The following DMD variants were observed in gnomAD, a reference collection of about 807,000 sequenced individuals.
The protein encoded by DMD is mutant dystrophin.
In DMD, 63 loss-of-function variants were observed where a neutral mutation model predicts 330.1. That is an observed-to-expected ratio of 0.19 (90% CI 0.16 to 0.24). The LOEUF (loss-of-function observed/expected upper bound fraction) is 0.24, where lower values mean the gene tolerates loss of function less well. DMD is among the 10% of genes least tolerant of loss of function. The pLI is 1.00. For missense variants in DMD, 3,344 were observed against 2,684.1 expected (o/e 1.25, Z -5.43); for synonymous variants, 1,223 against 959.8 (o/e 1.27, Z -5.07).
chrX:32,545,055 C>A, intron 17 of DMD, 104 bp downstream of exon 17: 3 of 810,051 alleles, frequency 3.7e-6, no homozygotes, highest in South Asian at 2.2e-5. Context: ...TACAGGTACC[C>A]GAGGATTCTG....
chrX:32,762,836 A>G lies in DMD; in HGVS notation c.649+46657T>C, dbSNP rs1309674893. Among the ~76,000 whole-genome samples the G allele has an allele frequency of 5.4e-5, 6 of 111,568 alleles. No homozygotes were observed. In the Admixed American group the frequency reaches 5.7e-4, roughly 11 times the overall value. ...TCAGAAGGTGTTAAATAGGGAACAC[A>G]TGACCTAATTAATGTAGTAAAAAGA... On this transcript the variant is annotated intron_variant, in intron 7 of 78. Coordinates refer to ENST00000357033, the MANE Select transcript of DMD (RefSeq NM_004006.3).
At chrX:31,946,880 T>C (rs146644305) in intron 45 of DMD, among the ~76,000 whole-genome samples, 1 of 110,762 alleles carries the variant, frequency 9.0e-6, no homozygotes, top group African/African-American at 3.3e-5. Flanking sequence ...TTCTCCTGAA[T>C]TAATAGTTGC....
chrX:31,682,784 C>T (rs1017936673), intron 52 of DMD, among the ~76,000 whole-genome samples: 2 of 112,189 alleles, frequency 1.8e-5, no homozygotes, highest in African/African-American at 6.5e-5. Context: ...TAGTGGTTTT[C>T]ACATAAACAT....
chrX:31,915,758 G>A (rs1042778309), intron 47 of DMD, among the ~76,000 whole-genome samples: 4 of 111,872 alleles, frequency 3.6e-5, no homozygotes, highest in Non-Finnish European at 7.5e-5. Flanking sequence ...TCAATATTAC[G>A]TGAGAATCAG....
chrX:33,227,510 T>C (rs1176091730), intron 1 of DMD, among the ~76,000 whole-genome samples: 1 of 110,935 alleles, frequency 9.0e-6, no homozygotes, highest in Non-Finnish European at 1.9e-5. Context: ...TCGAGGCTAT[T>C]CTTAGTTGTG....
chrX:32,306,570 A>G (rs2097541014), intron 42 of DMD, among the ~76,000 whole-genome samples: 2 of 111,578 alleles, frequency 1.8e-5, no homozygotes, highest in African/African-American at 6.5e-5. Flanking sequence ...AGGCATCTGT[A>G]CTATAATTGG....
At chrX:31,391,047 C>T (rs2060660132) in intron 60 of DMD, among the ~76,000 whole-genome samples, 1 of 112,095 alleles carries the variant, frequency 8.9e-6, no homozygotes, top group Non-Finnish European at 1.9e-5. Context: ...TAAATATATC[C>T]TTTTCAGAGA....
At chrX:32,280,194 A>G (rs1230353166) in intron 43 of DMD, among the ~76,000 whole-genome samples, 3 of 98,008 alleles carry the variant, frequency 3.1e-5, no homozygotes, top group African/African-American at 1.1e-4. Context: ...TATACACACT[A>G]TGTACCCACA....
chrX:33,114,403 G>A (rs1162478287), intron 1 of DMD, among the ~76,000 whole-genome samples: 1 of 110,949 alleles, frequency 9.0e-6, no homozygotes, highest in Non-Finnish European at 1.9e-5. Context: ...AGCCACCACC[G>A]TGCCCGGCCA....
intron 60 of DMD, among the ~76,000 whole-genome samples, chrX:31,422,608 T>G (rs989017241): frequency 8.9e-6 from 1 of 111,894 alleles, no homozygotes; most frequent in Non-Finnish European, 1.9e-5. Flanking sequence ...TTTAGAATAC[T>G]CCTACCTCTT....
At chrX:31,579,253 TTTGTGAACATTTCAGCCAG>T (rs1401393332) in intron 55 of DMD, among the ~76,000 whole-genome samples, 1 of 112,277 alleles carries the variant, frequency 8.9e-6, no homozygotes, top group Non-Finnish European at 1.9e-5. Flanking sequence ...GGTGAGAGTC[TTTGTGAACATTTCAGCCAG>T]TTTAATGAGC....
intron 42 of DMD, among the ~76,000 whole-genome samples, chrX:32,307,888 T>C (rs1188485498): frequency 3.6e-5 from 4 of 111,273 alleles, no homozygotes; most frequent in Non-Finnish European, 7.6e-5. Context: ...ATTGCAATTC[T>C]TCTAAAATTA....
chrX:32,818,231 T>C (rs1323508654), intron 5 of DMD, among the ~76,000 whole-genome samples: 1 of 111,787 alleles, frequency 8.9e-6, no homozygotes, highest in African/African-American at 3.3e-5. Flanking sequence ...GTGAAATGCT[T>C]GGCCAGTCTG....
intron 9 of DMD, among the ~76,000 whole-genome samples, chrX:32,671,126 T>A (rs1464105682): frequency 2.7e-5 from 3 of 110,930 alleles, no homozygotes; most frequent in Non-Finnish European, 3.8e-5. Flanking sequence ...TCAATGTCAA[T>A]ACTACTCATG....
At chrX:33,285,044 G>A (rs2053410313) in intron 1 of DMD, among the ~76,000 whole-genome samples, 1 of 110,812 alleles carries the variant, frequency 9.0e-6, no homozygotes, top group African/African-American at 3.3e-5. Context: ...ACAGGATTTT[G>A]GTTCACGTAA....
intron 50 of DMD, among the ~76,000 whole-genome samples, chrX:31,793,792 C>G (rs2091690141): frequency 8.9e-6 from 1 of 112,190 alleles, no homozygotes; most frequent in Non-Finnish European, 1.9e-5. Context: ...CATTGTAAAT[C>G]AAAACATTTT....
At chrX:32,504,184 T>C in intron 18 of DMD, among the ~76,000 whole-genome samples, 2 of 112,639 alleles carry the variant, frequency 1.8e-5, no homozygotes, top group Non-Finnish European at 3.7e-5. Flanking sequence ...TAATTACAAT[T>C]ATTTAATTCC....
chrX:31,912,312 C>A (rs182696251), intron 47 of DMD, among the ~76,000 whole-genome samples: 2 of 111,407 alleles, frequency 1.8e-5, no homozygotes, highest in Non-Finnish European at 3.8e-5. Flanking sequence ...CCCGACCGCA[C>A]GTCGCACAAC....
chrX:32,066,993 T>C (rs1166778835), intron 44 of DMD, among the ~76,000 whole-genome samples: 1 of 111,600 alleles, frequency 9.0e-6, no homozygotes, highest in Non-Finnish European at 1.9e-5. Context: ...GTAATACAGT[T>C]AAAAGCAATT....
Sources: gnomAD v4.1 joint callset for allele counts (sites outside exome capture counted in the v4.1 genomes callset) on GRCh38, gnomAD v4.1.1 for gene constraint, MANE v1.5 for transcripts, NCBI Gene and HGNC (gene_info 2026-07-23, HGNC 2026-07-21) for gene names.